PARD3B: variants seen among roughly 807,000 people sequenced by gnomAD.
PARD3B encodes the protein par-3 family cell polarity regulator beta.
In PARD3B, 103 loss-of-function variants were observed where a neutral mutation model predicts 130.2. The observed-to-expected ratio is 0.79, with a 90% confidence interval of 0.67 to 0.93. The LOEUF is 0.93. Ranked by LOEUF, PARD3B falls within the 40% of genes least tolerant of loss-of-function variation. The pLI, the probability that PARD3B is intolerant of heterozygous loss-of-function variation, is 0.00. For synonymous variants in PARD3B, 583 were observed against 553.2 expected (o/e 1.05, Z -0.76); for missense variants, 1,609 against 1,499.2 (o/e 1.07, Z -1.21).
intron 21 of PARD3B, among the ~76,000 whole-genome samples, chr2:205,529,182 C>G (rs988466082): frequency 6.6e-6 from 1 of 152,174 alleles, no homozygotes; most frequent in African/African-American, 2.4e-5. Context: ...GACTGGGGAT[C>G]TGCTTTGATG....
chr2:204,573,428 T>C (rs1366148003), intron 1 of PARD3B, among the ~76,000 whole-genome samples: 1 of 152,162 alleles, frequency 6.6e-6, no homozygotes, highest in African/African-American at 2.4e-5. Flanking sequence ...GGAGGGGCTG[T>C]CATTCTCTCC....
intron 2 of PARD3B, among the ~76,000 whole-genome samples, chr2:204,870,019 A>T (rs985816173): frequency 2.6e-5 from 4 of 152,248 alleles, no homozygotes; most frequent in Admixed American, 1.3e-4. Context: ...GTTGCAGAGG[A>T]CACTGATTCC....
intron 2 of PARD3B, among the ~76,000 whole-genome samples, chr2:204,764,726 G>GTGTGTGTGTGTGTA (rs1553519202): frequency 6.6e-6 from 1 of 151,592 alleles, no homozygotes; most frequent in Non-Finnish European, 1.5e-5. Flanking sequence ...GTGTGTGTGT[G>GTGTGTGTGTGTGTA]TGTGTGTGTG....
rs2035494221 is a variant in PARD3B, at chr2:205,176,718, A to G, written c.1924+141A>G. Reference sequence around the variant, plus strand: ...TTGTTACTCGGAGTCACAAACACTGAGAGAGTTGGGGGAGAGCTGACTCAG... The same window carrying G: ...TTGTTACTCGGAGTCACAAACACTGGGAGAGTTGGGGGAGAGCTGACTCAG... On this transcript the variant is annotated intron_variant, in intron 13 of 22. Coordinates refer to ENST00000406610, the MANE Select transcript of PARD3B (RefSeq NM_001302769.2). This position sits in a 1 kb window ranked among gnomAD's most constrained non-coding sequence, Gnocchi z 5.3. 1.0e-6 allele frequency: 1 copy of G among 961,798 alleles called. No homozygotes were observed. The highest frequency in any genetic ancestry group is 1.5e-6 in the Non-Finnish European group (1 of 687,548). The allele number at this position is 961,798 out of a possible 1,614,324, so 59.6% of individuals were successfully genotyped here.
chr2:205,302,617 T>A (rs1367737638), intron 18 of PARD3B, among the ~76,000 whole-genome samples: 2 of 152,214 alleles, frequency 1.3e-5, no homozygotes, highest in African/African-American at 4.8e-5. Flanking sequence ...CCCTATGTGT[T>A]ACCTCTGGAA....
At chr2:204,777,025 C>T (rs1381172410) in intron 2 of PARD3B, among the ~76,000 whole-genome samples, 1 of 152,146 alleles carries the variant, frequency 6.6e-6, no homozygotes, top group African/African-American at 2.4e-5. Context: ...GTATCCTTGG[C>T]AGCAGCTTTG....
chr2:205,609,170 C>T (rs887814670), intron 22 of PARD3B, among the ~76,000 whole-genome samples: 1 of 152,144 alleles, frequency 6.6e-6, no homozygotes, highest in Non-Finnish European at 1.5e-5. Flanking sequence ...CAACCACATT[C>T]GTGCCTGGAC....
intron 3 of PARD3B, among the ~76,000 whole-genome samples, chr2:205,007,107 G>A (rs1695329106): frequency 6.6e-6 from 1 of 152,092 alleles, no homozygotes; most frequent in Admixed American, 6.6e-5. Flanking sequence ...ATGATAGTGA[G>A]TGAGTTCTTG....
At chr2:205,582,736 T>A (rs80097303) in intron 22 of PARD3B, among the ~76,000 whole-genome samples, 10,924 of 151,350 alleles carry the variant, frequency 0.072, 554 homozygotes, top group Non-Finnish European at 0.11. Context: ...TGGGAGCTAG[T>A]AAAGGAAGTG....
At chr2:205,255,413 A>C (rs73068913) in intron 16 of PARD3B, among the ~76,000 whole-genome samples, 17,370 of 152,138 alleles carry the variant, frequency 0.11, 1,109 homozygotes, top group African/African-American at 0.17. Flanking sequence ...GTTTTTCCCC[A>C]CACACACTGA....
chr2:204,909,357 A>G (rs1020278706), intron 2 of PARD3B, among the ~76,000 whole-genome samples: 3 of 152,216 alleles, frequency 2.0e-5, no homozygotes, highest in Non-Finnish European at 4.4e-5. Flanking sequence ...AATGGTTCAA[A>G]AAAAGGCAAC....
intron 19 of PARD3B, among the ~76,000 whole-genome samples, chr2:205,424,628 G>A (rs949919000): frequency 6.6e-6 from 1 of 152,008 alleles, no homozygotes; most frequent in African/African-American, 2.4e-5. Flanking sequence ...AGAAAAGAAA[G>A]GTTTAAAGGG....
At chr2:204,902,486 G>A (rs2046897178) in intron 2 of PARD3B, among the ~76,000 whole-genome samples, 2 of 151,950 alleles carry the variant, frequency 1.3e-5, no homozygotes, top group Non-Finnish European at 2.9e-5. Context: ...TGGCTAACAC[G>A]GTGAGACCCC....
intron 19 of PARD3B, 22 bp downstream of exon 19, chr2:205,401,145 T>C: frequency 6.6e-7 from 1 of 1,525,730 alleles, no homozygotes. Flanking sequence ...TGCCGAGACC[T>C]TCATTTTCTT....
chr2:205,107,984 A>G (rs557256699), intron 5 of PARD3B, among the ~76,000 whole-genome samples: 4 of 152,290 alleles, frequency 2.6e-5, no homozygotes, highest in East Asian at 1.9e-4. Flanking sequence ...GCTTCCACAG[A>G]TAAGCCTTCT....
At chr2:205,065,435 A>G (rs899848472) in intron 4 of PARD3B, among the ~76,000 whole-genome samples, 1 of 152,132 alleles carries the variant, frequency 6.6e-6, no homozygotes, top group African/African-American at 2.4e-5. Flanking sequence ...AGATATCCTG[A>G]CCCAATATAT....
intron 20 of PARD3B, among the ~76,000 whole-genome samples, chr2:205,464,204 C>G (rs897110371): frequency 4.6e-5 from 7 of 152,006 alleles, no homozygotes; most frequent in African/African-American, 1.7e-4. Context: ...TTGTATTTAC[C>G]ACTGTGCATT....
intron 16 of PARD3B, among the ~76,000 whole-genome samples, chr2:205,259,671 T>G (rs2040226898): frequency 6.6e-6 from 1 of 152,174 alleles, no homozygotes; most frequent in Admixed American, 6.5e-5. Flanking sequence ...TTTGTGGAAT[T>G]CTTACTATTT....
At chr2:204,879,718 T>C (rs1282799677) in intron 2 of PARD3B, among the ~76,000 whole-genome samples, 2 of 152,236 alleles carry the variant, frequency 1.3e-5, no homozygotes, top group African/African-American at 4.8e-5. Flanking sequence ...GGTTGTTAAT[T>C]ACCAGCCTTA....
Sources: gnomAD v4.1 joint callset for allele counts (sites outside exome capture counted in the v4.1 genomes callset) on GRCh38, gnomAD v4.1.1 for gene constraint, Gnocchi (gnomAD v3.1) non-coding constraint, MANE v1.5 for transcripts, NCBI Gene and HGNC (gene_info 2026-07-23, HGNC 2026-07-21) for gene names.